The following ADAMTS6 variants were observed in gnomAD, a reference collection of about 807,000 sequenced individuals.
ADAMTS6 encodes the protein A disintegrin and metalloproteinase with thrombospondin motifs 6.
ADAMTS6 carries 23 observed loss-of-function variants against 144.3 expected under a neutral mutation model. The observed-to-expected ratio is 0.16, with a 90% CI of 0.11 to 0.23. The LOEUF is 0.23. ADAMTS6 is among the 10% of genes least tolerant of loss of function. The probability of loss-of-function intolerance (pLI) is 1.00; values close to 1 mark genes in which losing one functional copy is unlikely to be tolerated. For missense variants in ADAMTS6, 999 were observed against 1,379.6 expected (o/e 0.72, Z 4.37); for synonymous variants, 444 against 457.5 (o/e 0.97, Z 0.38).
At chr5:65,282,975 C>T (rs974606800) in intron 11 of ADAMTS6, among the ~76,000 whole-genome samples, 2 of 152,062 alleles carry the variant, frequency 1.3e-5, no homozygotes, top group African/African-American at 2.4e-5. Flanking sequence ...AAGAGACATG[C>T]GCACACTTTT....
intron 3 of ADAMTS6, 90 bp from the exon 4 acceptor site, chr5:65,460,428 C>A: frequency 6.7e-6 from 8 of 1,199,420 alleles, no homozygotes; most frequent in African/African-American, 1.5e-5. Flanking sequence ...TAAATGGACA[C>A]TTCTCCATTT....
intron 9 of ADAMTS6, among the ~76,000 whole-genome samples, chr5:65,308,047 A>G (rs1744108131): frequency 6.6e-6 from 1 of 152,242 alleles, no homozygotes; most frequent in Admixed American, 6.5e-5. Flanking sequence ...CCAAACTAGT[A>G]AAGTTCTCAT....
At chr5:65,468,369 G>A (rs1021720171) in intron 3 of ADAMTS6, among the ~76,000 whole-genome samples, 29 of 151,278 alleles carry the variant, frequency 1.9e-4, no homozygotes, top group Admixed American at 1.8e-3. Context: ...TCCATAGGAG[G>A]TGGAGGTTGC....
chr5:65,476,344 G>A (rs898562573), intron 1 of ADAMTS6, among the ~76,000 whole-genome samples: 4 of 152,174 alleles, frequency 2.6e-5, no homozygotes, highest in African/African-American at 4.8e-5. Flanking sequence ...CTGACCCAGA[G>A]AAACTGTGTG....
chr5:65,365,595 G>A lies in ADAMTS6; in HGVS notation c.1074-31510C>T, dbSNP rs180815071. Among the ~76,000 whole-genome samples, 257 of 151,348 alleles carry A rather than the reference G, an allele frequency of 1.7e-3. 1 individual carries two copies. The highest frequency in any genetic ancestry group is 5.4e-3 in the African/African-American group (222 of 41,212). ...CTGGGAGGCGGAGGTTTCAGTGAGC[G>A]GAGATCATGCCATTGCACTCCAGCC... is the stretch of plus-strand genomic sequence containing the variant. On this transcript the variant is annotated intron_variant, in intron 7 of 24. Coordinates refer to ENST00000381055, the MANE Select transcript of ADAMTS6 (RefSeq NM_197941.4).
chr5:65,240,870 T>A (rs1759116559), intron 15 of ADAMTS6, among the ~76,000 whole-genome samples: 1 of 152,200 alleles, frequency 6.6e-6, no homozygotes, highest in South Asian at 2.1e-4. Flanking sequence ...TAGGATTTTT[T>A]AAGTATGTGC....
At chr5:65,292,839 T>C (rs1018601792) in intron 10 of ADAMTS6, among the ~76,000 whole-genome samples, 7 of 151,874 alleles carry the variant, frequency 4.6e-5, no homozygotes. Flanking sequence ...CTGCTCAAGG[T>C]ATCTAACTAA....
At chr5:65,259,370 T>G (rs1285120547) in intron 14 of ADAMTS6, among the ~76,000 whole-genome samples, 2 of 141,242 alleles carry the variant, frequency 1.4e-5, no homozygotes, top group South Asian at 4.5e-4. Flanking sequence ...AGAACAAGGC[T>G]CTGTCTCAAA....
At chr5:65,216,679 T>C (rs1014706100) in intron 18 of ADAMTS6, among the ~76,000 whole-genome samples, 3 of 152,038 alleles carry the variant, frequency 2.0e-5, no homozygotes, top group Non-Finnish European at 2.9e-5. Flanking sequence ...GAACTTTTTT[T>C]CTCATAATAT....
At chr5:65,209,447 C>T (rs1580062247) in intron 20 of ADAMTS6, among the ~76,000 whole-genome samples, 1 of 152,176 alleles carries the variant, frequency 6.6e-6, no homozygotes, top group East Asian at 1.9e-4. Context: ...ATACTGAAGA[C>T]AACACCCCAT....
chr5:65,300,048 G>A lies in ADAMTS6; in HGVS notation c.1307C>T (p.Thr436Ile). 6.2e-7 allele frequency: 1 copy of A among 1,614,108 alleles called. No individual in the cohort carries two copies. The highest frequency in any genetic ancestry group is 8.5e-7 in the Non-Finnish European group (1 of 1,179,998). Residue 436 changes from threonine to isoleucine, a missense_variant, in exon 10 of 25, where the codon ACT becomes ATT. Physicochemically the swap from Thr to Ile is moderately conservative, Grantham distance 89 (BLOSUM62 -1). Transcript: ENST00000381055. Reference sequence around the variant, plus strand: ...CCAGGAAAAAGGATTGGTATTCGCAGTAATGTGAGCTGCCATAAGTTTTGC... The same window carrying A: ...CCAGGAAAAAGGATTGGTATTCGCAATAATGTGAGCTGCCATAAGTTTTGC... ...EAAKLMAAHI[T>I]ANTNPFSWSA... is the part of the protein sequence containing the mutation.
At chr5:65,267,347 T>G (rs1193173949) in intron 12 of ADAMTS6, among the ~76,000 whole-genome samples, 1 of 152,100 alleles carries the variant, frequency 6.6e-6, no homozygotes, top group African/African-American at 2.4e-5. Flanking sequence ...AAATTTGGCC[T>G]TCTTCTTGCT....
At chr5:65,201,763 A>T (rs1264764044) in intron 20 of ADAMTS6, among the ~76,000 whole-genome samples, 2 of 152,088 alleles carry the variant, frequency 1.3e-5, no homozygotes, top group Non-Finnish European at 2.9e-5. Context: ...TTCTGAAGAG[A>T]AGGAGGTAAC....
At chr5:65,319,004 T>C (rs374512237) in intron 9 of ADAMTS6, among the ~76,000 whole-genome samples, 4 of 152,194 alleles carry the variant, frequency 2.6e-5, no homozygotes, top group African/African-American at 9.6e-5. Flanking sequence ...CATAAATATA[T>C]ATATCAACTA....
intron 24 of ADAMTS6, among the ~76,000 whole-genome samples, chr5:65,152,828 A>G (rs1440999487): frequency 6.6e-6 from 1 of 152,158 alleles, no homozygotes; most frequent in African/African-American, 2.4e-5. Flanking sequence ...TATTCTGGTC[A>G]CTTTTGTTTG....
intron 3 of ADAMTS6, among the ~76,000 whole-genome samples, chr5:65,460,805 C>T (rs999552923): frequency 8.5e-5 from 13 of 152,198 alleles, no homozygotes; most frequent in African/African-American, 2.6e-4. Context: ...CCCCACTGAA[C>T]GAAGAGAACT....
chr5:65,256,341 A>G (rs1314019443), intron 14 of ADAMTS6: 6 of 151,778 alleles, frequency 4.0e-5, no homozygotes, highest in African/African-American at 1.5e-4. Flanking sequence ...GTATTTGGTA[A>G]ATTTTTATAT....
At chr5:65,414,817 T>C (rs555803248) in intron 7 of ADAMTS6, among the ~76,000 whole-genome samples, 1 of 152,156 alleles carries the variant, frequency 6.6e-6, no homozygotes, top group Non-Finnish European at 1.5e-5. Context: ...TCTCACATCA[T>C]ATGCAAACGT....
At chr5:65,278,858 G>A (rs10077096) in intron 11 of ADAMTS6, among the ~76,000 whole-genome samples, 44,266 of 151,748 alleles carry the variant, frequency 0.29, 6,689 homozygotes, top group Admixed American at 0.37. Context: ...AGCATTTGAA[G>A]GTGTTAAAAT....
Sources: allele counts gnomAD v4.1 joint callset (sites outside exome capture counted in the v4.1 genomes callset), GRCh38; gene constraint gnomAD v4.1.1; transcripts MANE v1.5; gene names NCBI Gene and HGNC (gene_info 2026-07-23, HGNC 2026-07-21).